Variants in CHLSN observed in about 807,000 individuals in gnomAD.
CHLSN encodes protein cholesin.
the CHLSN span, among the ~76,000 whole-genome samples, chr7:1,068,063 A>T: frequency 6.6e-6 from 1 of 152,104 alleles, no homozygotes; most frequent in Non-Finnish European, 1.5e-5. Flanking sequence ...GGTCCTGCGC[A>T]CCAGGCTCCT....
the CHLSN span, among the ~76,000 whole-genome samples, chr7:1,127,715 C>T: frequency 0.03 from 795 of 26,930 alleles, 87 homozygotes; most frequent in Non-Finnish European, 0.046. Flanking sequence ...TCGGCTGATC[C>T]CACCGTCACC....
chr7:1,114,616 C>G, the CHLSN span, among the ~76,000 whole-genome samples: 6 of 152,268 alleles, frequency 3.9e-5, no homozygotes, highest in African/African-American at 1.2e-4. Context: ...AGGGCTACCC[C>G]CTTCCCCAGC....
chr7:1,090,279 CCT>C, the CHLSN span, among the ~76,000 whole-genome samples: 4 of 152,242 alleles, frequency 2.6e-5, no homozygotes, highest in South Asian at 2.1e-4. Context: ...CCAGCACCCC[CCT>C]GTGACTGCCC....
chr7:1,002,619 G>C, the CHLSN span, among the ~76,000 whole-genome samples: 1 of 132,944 alleles, frequency 7.5e-6, no homozygotes, highest in Non-Finnish European at 1.6e-5. Context: ...GGAGTCCTGC[G>C]GGTGGGGAGT....
chr7:1,061,873 C>T, the CHLSN span, among the ~76,000 whole-genome samples: 13 of 147,026 alleles, frequency 8.8e-5, no homozygotes, highest in Middle Eastern at 3.4e-3. Flanking sequence ...GCCATCTCCC[C>T]GACTCCCCAA....
At chr7:1,083,378 A>C in the CHLSN span, among the ~76,000 whole-genome samples, 6,253 of 152,174 alleles carry the variant, frequency 0.041, 419 homozygotes, top group African/African-American at 0.14. Context: ...TAATCCCAGC[A>C]CTTTGGGAGG....
the CHLSN span, chr7:983,216 C>A: frequency 6.6e-7 from 1 of 1,510,880 alleles, no homozygotes; most frequent in South Asian, 1.3e-5. Context: ...GTCCTCATGG[C>A]CCTGCTGCTC....
the CHLSN span, chr7:984,966 T>C: frequency 6.2e-7 from 1 of 1,604,518 alleles, no homozygotes. Flanking sequence ...TCTTCTCATC[T>C]GGGGCGCGCT....
chr7:1,023,135 G>A, the CHLSN span: 1 of 387,158 alleles, frequency 2.6e-6, no homozygotes, highest in Admixed American at 3.4e-5. The surrounding 1 kb of genome is among the most constrained non-coding windows in gnomAD (Gnocchi z 5.0). Flanking sequence ...TTCTCAGAAG[G>A]ACGTTTTAAA....
the CHLSN span, among the ~76,000 whole-genome samples, chr7:992,517 G>A: frequency 1.3e-5 from 2 of 152,316 alleles, no homozygotes; most frequent in East Asian, 1.9e-4. Context: ...GAGCTGCCAC[G>A]CCACCGCTCA....
chr7:989,500 A>C, the CHLSN span: 1 of 153,292 alleles, frequency 6.5e-6, no homozygotes, highest in African/African-American at 2.4e-5. Flanking sequence ...GGAAACACTG[A>C]CCCGGTGCGG....
At chr7:1,070,646 CAT>C in the CHLSN span, among the ~76,000 whole-genome samples, 1 of 148,816 alleles carries the variant, frequency 6.7e-6, no homozygotes, top group Non-Finnish European at 1.5e-5. Flanking sequence ...CACGGACACA[CAT>C]GCACACACAT....
At chr7:980,197 C>T in the CHLSN span, among the ~76,000 whole-genome samples, 1 of 152,378 alleles carries the variant, frequency 6.6e-6, no homozygotes, top group South Asian at 2.1e-4. Flanking sequence ...ACTCCAGCCC[C>T]TCCGGGGGAG....
chr7:1,045,372 G>C, the CHLSN span: 2 of 152,240 alleles, frequency 1.3e-5, no homozygotes, highest in African/African-American at 4.8e-5. Context: ...AGATGTACTT[G>C]AGTCCTCCAT....
At chr7:1,120,877 C>T in the CHLSN span, among the ~76,000 whole-genome samples, 1 of 151,282 alleles carries the variant, frequency 6.6e-6, no homozygotes, top group Middle Eastern at 3.2e-3. Flanking sequence ...AACGGATGGA[C>T]ACAGGGCAGC....
the CHLSN span, chr7:1,055,521 G>A: frequency 4.2e-5 from 19 of 449,990 alleles, no homozygotes; most frequent in Admixed American, 4.0e-4. Flanking sequence ...GAGAGGGGAC[G>A]TGGGGGGCTC....
At chr7:1,078,240 G>A in the CHLSN span, among the ~76,000 whole-genome samples, 2 of 152,136 alleles carry the variant, frequency 1.3e-5, no homozygotes, top group Non-Finnish European at 2.9e-5. Context: ...AGTGGAGACA[G>A]TTCGCGTGGC....
the CHLSN span, among the ~76,000 whole-genome samples, chr7:1,039,203 C>T: frequency 6.8e-5 from 2 of 29,424 alleles, no homozygotes; most frequent in Non-Finnish European, 1.2e-4. Flanking sequence ...GTCAGCCCCC[C>T]GCCCGGCCAG....
the CHLSN span, among the ~76,000 whole-genome samples, chr7:1,048,232 G>A: frequency 6.6e-6 from 1 of 152,206 alleles, no homozygotes; most frequent in African/African-American, 2.4e-5. Context: ...ACTTCGTGGG[G>A]ATCACCGGGC....
Sources: gnomAD v4.1 joint callset for allele counts (sites outside exome capture counted in the v4.1 genomes callset) on GRCh38, gnomAD v4.1.1 for gene constraint, Gnocchi (gnomAD v3.1) non-coding constraint, MANE v1.5 for transcripts, NCBI Gene and HGNC (gene_info 2026-07-23, HGNC 2026-07-21) for gene names.